The following STX12 variants were observed in gnomAD, a reference collection of about 807,000 sequenced individuals.
STX12 encodes the protein syntaxin 12.
STX12 carries 17 observed loss-of-function variants against 42.2 expected under a neutral mutation model. The observed-to-expected ratio is 0.40, with a 90% CI of 0.28 to 0.60. The LOEUF is 0.60. Ranked by LOEUF, STX12 falls within the 20% of genes least tolerant of loss-of-function variation. The pLI is 0.39. For missense variants in STX12, 297 were observed against 330.9 expected, an observed-to-expected ratio of 0.90 and a Z score of 0.79; for synonymous variants, 108 against 116.7, an observed-to-expected ratio of 0.93 and a Z score of 0.48.
At chr1:27,787,901 G>A (rs538428395) in intron 1 of STX12, among the ~76,000 whole-genome samples, 1 of 152,090 alleles carries the variant, frequency 6.6e-6, no homozygotes, top group Non-Finnish European at 1.5e-5. Context: ...GGACATGGGA[G>A]CATTATATGT....
chr1:27,810,793 T>C (rs2088897284), intron 5 of STX12, among the ~76,000 whole-genome samples: 1 of 152,184 alleles, frequency 6.6e-6, no homozygotes, highest in Non-Finnish European at 1.5e-5. Flanking sequence ...GAACTTGATA[T>C]GTTTTAGCAT....
chr1:27,784,745 T>C (rs2088689164), intron 1 of STX12, among the ~76,000 whole-genome samples: 2 of 152,172 alleles, frequency 1.3e-5, no homozygotes, highest in Non-Finnish European at 2.9e-5. Flanking sequence ...TACGACACTG[T>C]TGTCCTTATG....
Position 27,823,775 on chromosome 1 carries a change from G to A in STX12, c.*1446G>A, listed in dbSNP as rs770424867. 3.9e-5 allele frequency: 6 copies of A among 152,742 alleles called. No homozygotes were observed. The highest frequency in any genetic ancestry group is 1.3e-4 in the Admixed American group (2 of 15,294). 9.5% of individuals were successfully genotyped at this position (152,742 alleles called of 1,614,324 possible). A position where few individuals can be genotyped will look rare whatever the true frequency, so the allele number is the denominator to read the frequency against. On this transcript the variant is annotated 3_prime_UTR_variant, in exon 9 of 9. Transcript: ENST00000373943. ...ATAAATGTTTTTTAAAGCTTTTGTA[G>A]TATGTTTTTATGAGTTAACATCCTA...
At chr1:27,806,563 A>G (rs2088863822) in intron 4 of STX12, among the ~76,000 whole-genome samples, 1 of 152,150 alleles carries the variant, frequency 6.6e-6, no homozygotes. Context: ...TTAATTAATA[A>G]TTTGTATGGC....
intron 1 of STX12, chr1:27,773,791 C>T: frequency 4.3e-6 from 1 of 235,002 alleles, no homozygotes. Flanking sequence ...ACCTTCCTCC[C>T]CACCCACCTC....
chr1:27,790,357 G>C (rs747046504), intron 2 of STX12, among the ~76,000 whole-genome samples: 29 of 152,196 alleles, frequency 1.9e-4, no homozygotes, highest in Admixed American at 1.9e-3. Context: ...GATCTGAGCA[G>C]GTTGCTGCTG....
At chr1:27,810,147 A>C in intron 4 of STX12, 99 bp from the exon 5 acceptor site, 2 of 1,054,668 alleles carry the variant, frequency 1.9e-6, no homozygotes, top group Middle Eastern at 4.1e-4. Flanking sequence ...TGGGTGTCAA[A>C]GGATGTTGCT....
At chr1:27,799,816 G>A (rs573257111) in intron 3 of STX12, among the ~76,000 whole-genome samples, 7 of 151,980 alleles carry the variant, frequency 4.6e-5, no homozygotes, top group African/African-American at 9.7e-5. Flanking sequence ...GCAATGGCAC[G>A]ATCTCAGCTC....
At chr1:27,787,650 C>T (rs372936804) in intron 1 of STX12, among the ~76,000 whole-genome samples, 4 of 150,348 alleles carry the variant, frequency 2.7e-5, no homozygotes, top group African/African-American at 9.9e-5. Context: ...CAGAGTGAGA[C>T]TCTGTATCAA....
chr1:27,821,656 G>T (rs2088985422), intron 8 of STX12, among the ~76,000 whole-genome samples: 1 of 151,792 alleles, frequency 6.6e-6, no homozygotes, highest in South Asian at 2.1e-4. Flanking sequence ...TGCAAATAAT[G>T]CCTGGCAGCA....
chr1:27,793,458 C>A, intron 2 of STX12, 75 bp from the exon 3 acceptor site: 1 of 1,269,418 alleles, frequency 7.9e-7, no homozygotes, highest in Non-Finnish European at 1.1e-6. Flanking sequence ...ATGAGACACT[C>A]TGAGAACAAA....
intron 1 of STX12, among the ~76,000 whole-genome samples, chr1:27,781,928 C>T (rs2088670237): frequency 6.6e-6 from 1 of 152,060 alleles, no homozygotes. Flanking sequence ...TGCCATTGTT[C>T]TAAATTTAGC....
chr1:27,805,991 T>C (rs549893479), intron 4 of STX12, among the ~76,000 whole-genome samples: 1 of 152,332 alleles, frequency 6.6e-6, no homozygotes, highest in East Asian at 1.9e-4. Flanking sequence ...TATCCATGCA[T>C]GATTTTTATA....
At position 27,812,283 on chromosome 1, in the gene STX12, A is replaced by G. The variant is rs368688957; in HGVS notation, c.576+15A>G. On this transcript the variant is annotated intron_variant, in intron 6 of 8. Transcript: ENST00000373943. ...GGCAGCTGGAGGTGAGAGCCACGTC[A>G]TGTTTTTTGTTTGACTCAGTGTGTC... is the stretch of plus-strand genomic sequence containing the variant. 5.2e-5 allele frequency: 81 copies of G among 1,547,868 alleles called. No homozygotes were observed. In the Middle Eastern group the frequency reaches 1.2e-3, roughly 22 times the overall value.
intron 3 of STX12, among the ~76,000 whole-genome samples, chr1:27,797,512 G>A (rs1438282908): frequency 5.9e-5 from 9 of 152,100 alleles, no homozygotes; most frequent in African/African-American, 2.2e-4. Context: ...TCCTAAGAGT[G>A]GGCATGCCCC....
rs1277977951 is a variant in STX12 at position 27,822,217 on chromosome 1, ATTTC to A, written c.733-9_733-6del. On this transcript the variant is annotated splice_polypyrimidine_tract_variant and intron_variant, in intron 8 of 8. Coordinates refer to ENST00000373943, the MANE Select transcript of STX12 (RefSeq NM_177424.3). ...TGTTTCATGAGTATCTTGTTTACAT[ATTTC>A]TTTCCTCAGAAAAAATCTCGCAAGA... 1.5e-5 allele frequency: 23 copies of A among 1,532,240 alleles called. No homozygotes were observed. The highest frequency in any genetic ancestry group is 2.0e-5 in the Non-Finnish European group (22 of 1,105,612). 94.9% of individuals were successfully genotyped at this position (1,532,240 alleles called of 1,614,324 possible).
At chr1:27,812,630 G>A (rs1038833038) in intron 6 of STX12, among the ~76,000 whole-genome samples, 26 of 151,942 alleles carry the variant, frequency 1.7e-4, no homozygotes, top group African/African-American at 4.6e-4. Flanking sequence ...TAGTAGAGAC[G>A]GGGTTTCTCC....
chr1:27,812,264 T>C lies in STX12; in HGVS notation c.572T>C (p.Leu191Pro), dbSNP rs1241532325. Residue 191 changes from leucine to proline, a missense_variant, in exon 6 of 9, where the codon CTG (leucine) becomes CCG (proline). Transcript: ENST00000373943. Reference sequence around the variant, plus strand: ...GAAAGAGAAACGGCAATTCGGCAGCTGGAGGTGAGAGCCACGTCATGTTTT... The same window carrying C: ...GAAAGAGAAACGGCAATTCGGCAGCCGGAGGTGAGAGCCACGTCATGTTTT... ...IKERETAIRQ[L>P]EADILDVNQI... 3 of 1,554,442 alleles carry C rather than the reference T, an allele frequency of 1.9e-6. No homozygotes were observed. Among genetic ancestry groups the C allele is most frequent in the Non-Finnish European group, 2.6e-6 (3 of 1,148,598 alleles).
chr1:27,776,451 C>T (rs954069462), intron 1 of STX12, among the ~76,000 whole-genome samples: 1 of 152,098 alleles, frequency 6.6e-6, no homozygotes, highest in Non-Finnish European at 1.5e-5. Context: ...CAGTGGCTCA[C>T]ACCTGTAATC....
Sources: allele counts gnomAD v4.1 joint callset (sites outside exome capture counted in the v4.1 genomes callset), GRCh38; gene constraint gnomAD v4.1.1; transcripts MANE v1.5; gene names NCBI Gene and HGNC (gene_info 2026-07-23, HGNC 2026-07-21).